GALNT16: variants seen among roughly 807,000 people sequenced by gnomAD.
The protein encoded by GALNT16 is UDP-GalNAc:polypeptide N-acetylgalactosaminyltransferase-like protein 1.
In GALNT16, 40 loss-of-function variants were observed where a neutral mutation model predicts 76.1. The observed-to-expected ratio is 0.53, with a 90% CI of 0.41 to 0.68. The LOEUF (loss-of-function observed/expected upper bound fraction) is 0.68. Ranked by LOEUF, GALNT16 falls within the 30% of genes least tolerant of loss-of-function variation. GALNT16 has a pLI of 0.00. For synonymous variants in GALNT16, 276 were observed against 285.2 expected (o/e 0.97, Z 0.32); for missense variants, 621 against 731.9 (o/e 0.85, Z 1.75).
chr14:69,338,830 G>A lies in GALNT16; in HGVS notation c.1094+53G>A. ...CTCAGAGGAGGACACCAAGGCCCAA[G>A]CCCCCAGCCTTGCCAGTTATCACTA... On this transcript the variant is annotated intron_variant, in intron 10 of 14. Coordinates refer to ENST00000448469, the MANE Select transcript of GALNT16 (RefSeq NM_001168368.2). 2.0e-6 allele frequency: 3 copies of A among 1,466,060 alleles called. No individual in the cohort carries two copies. The African/African-American group carries it at 4.2e-5, about 21-fold the overall frequency. 90.8% of individuals were successfully genotyped at this position (1,466,060 alleles called of 1,614,324 possible). A position where few individuals can be genotyped will look rare whatever the true frequency, so the allele number is the denominator to read the frequency against.
intron 1 of GALNT16, among the ~76,000 whole-genome samples, chr14:69,285,340 A>G (rs77237638): frequency 1.3e-5 from 2 of 152,258 alleles, no homozygotes; most frequent in East Asian, 3.9e-4. Flanking sequence ...AGTTCTTTAT[A>G]GCAGCATGAG....
chr14:69,271,703 G>A (rs1319399514), intron 1 of GALNT16, among the ~76,000 whole-genome samples: 1 of 152,198 alleles, frequency 6.6e-6, no homozygotes, highest in Non-Finnish European at 1.5e-5. Context: ...TAGTTGTGGG[G>A]AAACATTTGG....
chr14:69,331,755 G>C (rs1241872439), intron 7 of GALNT16, among the ~76,000 whole-genome samples: 2 of 152,172 alleles, frequency 1.3e-5, no homozygotes, highest in African/African-American at 4.8e-5. Flanking sequence ...GCAGTTGCAG[G>C]CTTCTGATAC....
chr14:69,371,404 C>T, the GALNT16 span, among the ~76,000 whole-genome samples: 1 of 151,724 alleles, frequency 6.6e-6, no homozygotes, highest in Non-Finnish European at 1.5e-5. Context: ...CAGGCACGCA[C>T]CACCACGCCC....
intron 6 of GALNT16, among the ~76,000 whole-genome samples, chr14:69,330,692 G>T (rs1002506572): frequency 1.1e-4 from 16 of 152,204 alleles, no homozygotes; most frequent in African/African-American, 3.9e-4. Context: ...GGGGGTGAAA[G>T]CAGAGTGGGG....
intron 6 of GALNT16, among the ~76,000 whole-genome samples, chr14:69,330,839 A>T (rs923978415): frequency 1.3e-5 from 2 of 152,264 alleles, no homozygotes; most frequent in Non-Finnish European, 2.9e-5. Context: ...AGCAAAATCA[A>T]CATTATTCAT....
At chr14:69,344,802 T>C (rs2045540517) in intron 12 of GALNT16, among the ~76,000 whole-genome samples, 2 of 152,184 alleles carry the variant, frequency 1.3e-5, no homozygotes, top group African/African-American at 4.8e-5. Flanking sequence ...GTATTCCCCC[T>C]GTGCAGTTAT....
chr14:69,279,063 C>G (rs772120781), intron 1 of GALNT16, among the ~76,000 whole-genome samples: 1 of 152,066 alleles, frequency 6.6e-6, no homozygotes, highest in Non-Finnish European at 1.5e-5. Context: ...TCCCAAGTAG[C>G]TGGGATTACA....
At chr14:69,263,954 A>T (rs895192402) in intron 1 of GALNT16, among the ~76,000 whole-genome samples, 7 of 152,316 alleles carry the variant, frequency 4.6e-5, no homozygotes, top group Middle Eastern at 3.4e-3. Flanking sequence ...GCACGCTGGG[A>T]CAGGACAGCA....
rs1296029859 is a variant in GALNT16, at chr14:69,354,277, C to G, written c.*2109C>G. On this transcript the variant is annotated 3_prime_UTR_variant, in exon 15 of 15. Coordinates refer to ENST00000448469, the MANE Select transcript of GALNT16 (RefSeq NM_001168368.2). Reference sequence around the variant, plus strand: ...AGAGGACTGCTGACCAGAGGGCCTTCAAGAGGGTCTCTCTGTCCTTTGCTG... The same window carrying G: ...AGAGGACTGCTGACCAGAGGGCCTTGAAGAGGGTCTCTCTGTCCTTTGCTG... The G allele has an allele frequency of 8.5e-5, 13 of 152,848 alleles. No individual in the cohort carries two copies. The highest frequency in any genetic ancestry group is 8.5e-4 in the Admixed American group (13 of 15,290). 9.5% of individuals were successfully genotyped at this position (152,848 alleles called of 1,614,324 possible).
intron 1 of GALNT16, among the ~76,000 whole-genome samples, chr14:69,310,455 TG>T (rs1405416385): frequency 6.6e-6 from 1 of 152,204 alleles, no homozygotes; most frequent in Non-Finnish European, 1.5e-5. Flanking sequence ...AAGCATGAGC[TG>T]TGTCTTCCCT....
At chr14:69,290,058 T>C (rs1458863251) in intron 1 of GALNT16, among the ~76,000 whole-genome samples, 1 of 152,168 alleles carries the variant, frequency 6.6e-6, no homozygotes, top group Non-Finnish European at 1.5e-5. Flanking sequence ...TTATTTTTGT[T>C]AATGAATTTC....
chr14:69,292,228 C>T (rs1205189728), intron 1 of GALNT16, among the ~76,000 whole-genome samples: 1 of 152,236 alleles, frequency 6.6e-6, no homozygotes, highest in East Asian at 1.9e-4. Flanking sequence ...TTGTGCAAGG[C>T]CACACAGCTA....
At chr14:69,321,072 G>T (rs904927010) in intron 2 of GALNT16, among the ~76,000 whole-genome samples, 1 of 152,204 alleles carries the variant, frequency 6.6e-6, no homozygotes, top group Non-Finnish European at 1.5e-5. Flanking sequence ...AAACCGCTCC[G>T]CTGGGGCCAA....
rs1253865036 is a variant in GALNT16, at chr14:69,333,957, G to A, written c.967+357G>A. Among the ~76,000 whole-genome samples the A allele has an allele frequency of 6.6e-6, 1 of 152,200 alleles. No individual in the cohort carries two copies. The highest frequency in any genetic ancestry group is 1.5e-5 in the Non-Finnish European group (1 of 68,030). On this transcript the variant is annotated intron_variant, in intron 9 of 14. Transcript: ENST00000448469. This position sits in a 1 kb window ranked among gnomAD's most constrained non-coding sequence, Gnocchi z 4.2. ...TGCTTCCCTACCAGCAAGGCTGGGA[G>A]GTGTGTGGTAGAGGGTGGTGGTGAA...
At chr14:69,270,287 C>T (rs1176272766) in intron 1 of GALNT16, among the ~76,000 whole-genome samples, 1 of 152,102 alleles carries the variant, frequency 6.6e-6, no homozygotes, top group Non-Finnish European at 1.5e-5. Context: ...AAGGGGCTGC[C>T]CTCAGGAGGC....
the GALNT16 span, among the ~76,000 whole-genome samples, chr14:69,367,966 G>C: frequency 2.0e-5 from 3 of 152,102 alleles, no homozygotes; most frequent in South Asian, 4.2e-4. Flanking sequence ...ACTCCATCCT[G>C]GGCAACAGAA....
chr14:69,346,656 C>A (rs1268606531), intron 12 of GALNT16, among the ~76,000 whole-genome samples: 1 of 152,204 alleles, frequency 6.6e-6, no homozygotes. Flanking sequence ...CTCTTCAAAG[C>A]GCTCCCTTCC....
intron 2 of GALNT16, among the ~76,000 whole-genome samples, chr14:69,324,126 C>G (rs1404109537): frequency 6.6e-6 from 1 of 151,912 alleles, no homozygotes; most frequent in African/African-American, 2.4e-5. Flanking sequence ...CCAGGGGACC[C>G]AGTACCCTGG....
Sources: allele counts gnomAD v4.1 joint callset (sites outside exome capture counted in the v4.1 genomes callset), GRCh38; gene constraint gnomAD v4.1.1; non-coding constraint Gnocchi (gnomAD v3.1); transcripts MANE v1.5; gene names NCBI Gene and HGNC (gene_info 2026-07-23, HGNC 2026-07-21).